The following PDGFB variants were observed in gnomAD, a reference collection of about 807,000 sequenced individuals.
PDGFB encodes the protein platelet derived growth factor subunit B.
A neutral mutation model predicts 29.0 loss-of-function variants in PDGFB; 6 were observed. That is an observed-to-expected ratio of 0.21 (90% CI 0.11 to 0.41). PDGFB has a LOEUF of 0.41. PDGFB is among the 10% of genes least tolerant of loss of function. The pLI, the probability that PDGFB is intolerant of heterozygous loss-of-function variation, is 1.00. For synonymous variants in PDGFB, 144 were observed against 140.8 expected (o/e 1.02, Z -0.16); for missense variants, 299 against 341.8 (o/e 0.87, Z 0.99).
At chr22:39,226,949 A>T (rs1350065060) in intron 5 of PDGFB, among the ~76,000 whole-genome samples, 1 of 152,130 alleles carries the variant, frequency 6.6e-6, no homozygotes, top group Non-Finnish European at 1.5e-5. Flanking sequence ...CTGTGCCTCG[A>T]TTTCCGCATC....
chr22:39,235,571 C>T (rs1932421466), intron 2 of PDGFB, among the ~76,000 whole-genome samples: 1 of 152,254 alleles, frequency 6.6e-6, no homozygotes, highest in Admixed American at 6.5e-5. Context: ...CACGTGGGTG[C>T]TTCTCCTGCC....
Position 39,225,815 on chromosome 22 carries a change from T to A in PDGFB, c.634A>T (p.Thr212Ser). 6.2e-7 allele frequency: 1 copy of A among 1,613,780 alleles called. No individual in the cohort carries two copies. Among genetic ancestry groups the A allele is most frequent in the African/African-American group, 1.3e-5 (1 of 75,034 alleles). Reference protein sequence around the residue: ...KTPQTRVTIRTVRVRRPPKGK... With the variant: ...KTPQTRVTIRSVRVRRPPKGK... ...TTGGGGGGCCGGCGGACTCGCACCG[T>A]CCGAATGGTCACCCGAGTTTGGGGC... Residue 212 changes from threonine to serine, a missense_variant, in exon 6 of 7, where the codon ACG becomes TCG. Transcript: ENST00000331163.
Position 39,231,584 on chromosome 22 carries a change from A to G in PDGFB, c.456+38T>C. Reference sequence around the variant, plus strand: ...CCCAGAAGGGTGGTCTCCACCCACCACCGGGACCAGCCTCGGGGGGCCGCG... The same window carrying G: ...CCCAGAAGGGTGGTCTCCACCCACCGCCGGGACCAGCCTCGGGGGGCCGCG... On this transcript the variant is annotated intron_variant, in intron 4 of 6. Coordinates refer to ENST00000331163, the MANE Select transcript of PDGFB (RefSeq NM_002608.4). This position sits in a 1 kb window ranked among gnomAD's most constrained non-coding sequence, Gnocchi z 4.3. The G allele has an allele frequency of 1.4e-6, 2 of 1,471,450 alleles. No homozygotes were observed. Among genetic ancestry groups the G allele is most frequent in the Admixed American group, 4.1e-5 (2 of 48,672 alleles). 91.1% of individuals were successfully genotyped at this position (1,471,450 alleles called of 1,614,324 possible).
At chr22:39,234,427 G>T (rs2146444507) in intron 2 of PDGFB, among the ~76,000 whole-genome samples, 1 of 152,334 alleles carries the variant, frequency 6.6e-6, no homozygotes, top group South Asian at 2.1e-4. Flanking sequence ...TCTCATGGGT[G>T]AGGAGCCACA....
At chr22:39,233,583 C>T (rs1339178813) in intron 2 of PDGFB, 59 bp from the exon 3 acceptor site, 67 of 1,244,430 alleles carry the variant, frequency 5.4e-5, no homozygotes, top group Admixed American at 9.3e-5. Context: ...GGGCTCCCTC[C>T]GCCGGGGTGT....
chr22:39,231,939 C>A lies in PDGFB; in HGVS notation c.251-112G>T. 1 of 869,690 alleles carries A rather than the reference C, an allele frequency of 1.1e-6. No individual in the cohort carries two copies. The highest frequency in any genetic ancestry group is 1.8e-6 in the Non-Finnish European group (1 of 570,162). 53.9% of individuals were successfully genotyped at this position (869,690 alleles called of 1,614,324 possible). A position where few individuals can be genotyped will look rare whatever the true frequency, so the allele number is the denominator to read the frequency against. On this transcript the variant is annotated intron_variant, in intron 3 of 6. Coordinates refer to ENST00000331163, the MANE Select transcript of PDGFB (RefSeq NM_002608.4). This position sits in a 1 kb window ranked among gnomAD's most constrained non-coding sequence, Gnocchi z 4.3. ...ACTGCTCTTTCTCACGCCCTTCAAC[C>A]CCAGGGTTCAGGTTTCAAGTCCTGG... is the stretch of plus-strand genomic sequence containing the variant.
rs1932378736 is a variant in PDGFB, at chr22:39,234,003, CG to C, written c.161-480del. On this transcript the variant is annotated intron_variant, in intron 2 of 6. Coordinates refer to ENST00000331163, the MANE Select transcript of PDGFB (RefSeq NM_002608.4). ...CCGGACAATGGCCGCGCTGGGCAGG[CG>C]GGAGCCACGGAGGGAGGGAGGGAGG... Among the ~76,000 whole-genome samples the C allele has an allele frequency of 4.7e-5, 4 of 84,728 alleles. No individual in the cohort carries two copies. The Admixed American group carries it at 7.1e-4, about 15-fold the overall frequency. The allele number at this position is 84,728 out of a possible 152,430, so 55.6% of individuals were successfully genotyped here. A position where few individuals can be genotyped will look rare whatever the true frequency, so the allele number is the denominator to read the frequency against.
chr22:39,225,779 G>C lies in PDGFB; in HGVS notation c.670C>G (p.Arg224Gly), dbSNP rs146468845. The change falls in exon 6 of 7, where the codon CGG becomes GGG. Residue 224 changes from arginine to glycine, a missense_variant. By Grantham distance (125) the Arg-to-Gly change is moderately radical (BLOSUM62 -2). Coordinates refer to ENST00000331163, the MANE Select transcript of PDGFB (RefSeq NM_002608.4). Reference sequence around the variant, plus strand: ...TTGTCATGCGTGTGCTTGAATTTCCGGTGCTTGCCCTTGGGGGGCCGGCGG... The same window carrying C: ...TTGTCATGCGTGTGCTTGAATTTCCCGTGCTTGCCCTTGGGGGGCCGGCGG... ...RVRRPPKGKH[R>G]KFKHTHDKTA... is the part of the protein sequence containing the mutation. 6.2e-7 allele frequency: 1 copy of C among 1,614,130 alleles called. No individual in the cohort carries two copies. The highest frequency in any genetic ancestry group is 1.1e-5 in the South Asian group (1 of 91,076).
At position 39,224,284 on chromosome 22, in the gene PDGFB, A is replaced by C. The variant is rs961785882; in HGVS notation, c.*1058T>G. 1.3e-5 allele frequency: 2 copies of C among 152,204 alleles called. No individual in the cohort carries two copies. The highest frequency in any genetic ancestry group is 4.8e-5 in the African/African-American group (2 of 41,446). The allele number at this position is 152,204 out of a possible 1,614,324, so 9.4% of individuals were successfully genotyped here. On this transcript the variant is annotated 3_prime_UTR_variant, in exon 7 of 7. Coordinates refer to ENST00000331163, the MANE Select transcript of PDGFB (RefSeq NM_002608.4). Reference sequence around the variant, plus strand: ...CATCTGCCAGAAATTGTCATAATAAATATACAAATCAGCTTTATCTATGAT... The same window carrying C: ...CATCTGCCAGAAATTGTCATAATAACTATACAAATCAGCTTTATCTATGAT...
rs147725644 is a variant in PDGFB, at chr22:39,239,640, C to T, written c.64-3766G>A. On this transcript the variant is annotated intron_variant, in intron 1 of 6. Coordinates refer to ENST00000331163, the MANE Select transcript of PDGFB (RefSeq NM_002608.4). ...AGAAGCTGTCCCAAGATCTCAGGCCCGGGGTTTCTGGCAGAGTGAGGGCGT... is the reference window on the plus strand; with the variant it reads ...AGAAGCTGTCCCAAGATCTCAGGCCTGGGGTTTCTGGCAGAGTGAGGGCGT... Among the ~76,000 whole-genome samples, 888 of 152,262 alleles carry T rather than the reference C, an allele frequency of 5.8e-3. 16 individuals carry two copies. Among genetic ancestry groups the T allele is most frequent in the African/African-American group, 0.02 (848 of 41,542 alleles).
At chr22:39,234,893 T>C (rs1481116593) in intron 2 of PDGFB, among the ~76,000 whole-genome samples, 3 of 152,006 alleles carry the variant, frequency 2.0e-5, no homozygotes, top group African/African-American at 4.8e-5. Context: ...AGTTGCCCCA[T>C]TGTGTGTGGC....
At chr22:39,240,776 A>G in intron 1 of PDGFB, 1 of 1,511,970 alleles carries the variant, frequency 6.6e-7, no homozygotes, top group Admixed American at 1.7e-5. Context: ...AATGAAATAA[A>G]CCAGAACATA....
At chr22:39,230,022 G>A in intron 5 of PDGFB, 62 bp downstream of exon 5, 1 of 1,567,822 alleles carries the variant, frequency 6.4e-7, no homozygotes, top group Non-Finnish European at 8.7e-7. Flanking sequence ...TTTAAGACCG[G>A]CCCCTGCCCC....
In PDGFB at chr22:39,225,059, T is replaced by A. The variant is rs1932132298; in HGVS notation, c.*283A>T. The A allele has an allele frequency of 6.5e-6, 1 of 152,918 alleles. No homozygotes were observed. Among genetic ancestry groups the A allele is most frequent in the Non-Finnish European group, 1.5e-5 (1 of 68,240 alleles). The allele number at this position is 152,918 out of a possible 1,614,324, so 9.5% of individuals were successfully genotyped here. On this transcript the variant is annotated 3_prime_UTR_variant, in exon 7 of 7. Coordinates refer to ENST00000331163, the MANE Select transcript of PDGFB (RefSeq NM_002608.4). ...CCCATCAGTCTCTCTCACACTCTTA[T>A]CCCAAGTTCTTGGAGTTAAGGGAAG... is the stretch of plus-strand genomic sequence containing the variant.
Position 39,244,044 on chromosome 22 carries a change from G to A in PDGFB, c.-81C>T, listed in dbSNP as rs1175819922. 4 of 728,470 alleles carry A rather than the reference G, an allele frequency of 5.5e-6. No individual in the cohort carries two copies. Among genetic ancestry groups the A allele is most frequent in the Non-Finnish European group, 8.6e-6 (4 of 467,600 alleles). The allele number at this position is 728,470 out of a possible 1,614,324, so 45.1% of individuals were successfully genotyped here. On this transcript the variant is annotated 5_prime_UTR_variant, in exon 1 of 7. Transcript: ENST00000331163. The surrounding 1 kb of genome is among the most constrained non-coding windows in gnomAD (Gnocchi z 4.5). ...CCCCGCGGCCAGGGTGGGGGGCTGGGGAGGGGGGTGGGCTCGGCTCGGGTC... is the reference window on the plus strand; with the variant it reads ...CCCCGCGGCCAGGGTGGGGGGCTGGAGAGGGGGGTGGGCTCGGCTCGGGTC...
intron 4 of PDGFB, 136 bp from the exon 5 acceptor site, chr22:39,230,364 G>A: frequency 1.2e-6 from 1 of 837,480 alleles, no homozygotes; most frequent in Non-Finnish European, 1.9e-6. Flanking sequence ...CAGGCTGTGG[G>A]GCAAAAGCTT....
intron 2 of PDGFB, among the ~76,000 whole-genome samples, chr22:39,235,291 C>T (rs2146445809): frequency 6.6e-6 from 1 of 152,308 alleles, no homozygotes; most frequent in East Asian, 1.9e-4. Flanking sequence ...ATCCAGCCCG[C>T]CAGCCCCGCC....
rs1180723064 is a variant in PDGFB, at chr22:39,225,758, C to A, written c.691G>T (p.Asp231Tyr). Residue 231 changes from aspartate to tyrosine, a missense_variant, in exon 6 of 7, where the codon GAC becomes TAC. Physicochemically the swap from Asp to Tyr is radical, Grantham distance 160. Coordinates refer to ENST00000331163, the MANE Select transcript of PDGFB (RefSeq NM_002608.4). Reference sequence around the variant, plus strand: ...AGGGTCTCCTTCAGTGCCGTCTTGTCATGCGTGTGCTTGAATTTCCGGTGC... The same window carrying A: ...AGGGTCTCCTTCAGTGCCGTCTTGTAATGCGTGTGCTTGAATTTCCGGTGC... ...GKHRKFKHTHDKTALKETLGA is the reference protein window; with the variant it reads ...GKHRKFKHTHYKTALKETLGA The A allele has an allele frequency of 6.2e-6, 10 of 1,614,062 alleles. No individual in the cohort carries two copies. The Admixed American group carries it at 6.7e-5, about 11-fold the overall frequency.
At chr22:39,235,414 T>C (rs934050067) in intron 2 of PDGFB, among the ~76,000 whole-genome samples, 7 of 152,146 alleles carry the variant, frequency 4.6e-5, no homozygotes, top group Non-Finnish European at 8.8e-5. Context: ...ACCGGGCCCC[T>C]AGCCAGAGGG....
Sources: gnomAD v4.1 joint callset for allele counts (sites outside exome capture counted in the v4.1 genomes callset) on GRCh38, gnomAD v4.1.1 for gene constraint, Gnocchi (gnomAD v3.1) non-coding constraint, MANE v1.5 for transcripts, NCBI Gene and HGNC (gene_info 2026-07-23, HGNC 2026-07-21) for gene names.